The following PTPN11 variants were observed in gnomAD, a reference collection of about 807,000 sequenced individuals.
The protein encoded by PTPN11 is tyrosine-protein phosphatase non-receptor type 11.
A neutral mutation model predicts 78.8 loss-of-function variants in PTPN11; 6 were observed. That is an observed-to-expected ratio of 0.08 (90% CI 0.04 to 0.15). The LOEUF (loss-of-function observed/expected upper bound fraction) is 0.15, where lower values mean the gene tolerates loss of function less well. Ranked by LOEUF, PTPN11 falls within the 10% of genes least tolerant of loss-of-function variation. The probability of loss-of-function intolerance (pLI) is 1.00; values close to 1 mark genes in which losing one functional copy is unlikely to be tolerated. For synonymous variants in PTPN11, 221 were observed against 263.5 expected (o/e 0.84, Z 1.56); for missense variants, 386 against 744.8 (o/e 0.52, Z 5.61).
intron 1 of PTPN11, among the ~76,000 whole-genome samples, chr12:112,424,956 TTGTGTGTGTGTGTGTGTGTGTGTGTG>T (rs34463047): frequency 3.6e-4 from 32 of 89,056 alleles, no homozygotes; most frequent in African/African-American, 1.2e-3. Context: ...GTCAGGCTAA[TTGTGTGTGTGTGTGTGTGTGTGTGTG>T]TGTGTGTGTG....
At chr12:112,447,873 C>T (rs1407618645) in intron 2 of PTPN11, among the ~76,000 whole-genome samples, 1 of 148,312 alleles carries the variant, frequency 6.7e-6, no homozygotes, top group East Asian at 2.0e-4. Context: ...ACAATCTTGG[C>T]TCACTGCAAC....
At chr12:112,445,476 A>G (rs1191028039) in intron 1 of PTPN11, among the ~76,000 whole-genome samples, 4 of 152,030 alleles carry the variant, frequency 2.6e-5, no homozygotes, top group Non-Finnish European at 4.4e-5. Flanking sequence ...CTGTCTTTAC[A>G]TGTATATATT....
intron 1 of PTPN11, among the ~76,000 whole-genome samples, chr12:112,427,328 G>A (rs960631643): frequency 1.3e-5 from 2 of 151,716 alleles, no homozygotes; most frequent in African/African-American, 4.8e-5. Flanking sequence ...GGGTGGATCA[G>A]GAGGTCAGGA....
At chr12:112,500,657 T>G (rs61942266) in intron 13 of PTPN11, among the ~76,000 whole-genome samples, 11,974 of 152,268 alleles carry the variant, frequency 0.079, 526 homozygotes, top group Middle Eastern at 0.17. Context: ...AGTGGCCTGA[T>G]CTTGGCTCAC....
chr12:112,459,833 T>C (rs2038221751), intron 6 of PTPN11, among the ~76,000 whole-genome samples: 1 of 151,982 alleles, frequency 6.6e-6, no homozygotes, highest in African/African-American at 2.4e-5. Context: ...ATAACCTGAA[T>C]AGCATTATCA....
rs1253971623 is a variant in PTPN11 at position 112,502,220 on chromosome 12, C to G, written c.1676C>G (p.Pro559Arg). ...GACCAGACGAGTGGAGATCAGAGCCCTCTCCCGCCTTGTACTCCAACGCCA... is the reference window on the plus strand; with the variant it reads ...GACCAGACGAGTGGAGATCAGAGCCGTCTCCCGCCTTGTACTCCAACGCCA... ...LADQTSGDQS[P>R]LPPCTPTPPC... The change falls in exon 14 of 16, where the codon CCT becomes CGT. Residue 559 changes from proline to arginine, a missense_variant. Physicochemically the swap from Pro to Arg is moderately radical, Grantham distance 103 (BLOSUM62 -2). Around this residue, in one of 3 missense-constraint regions of PTPN11, gnomAD observed 44 missense variants for 59.3 expected, o/e 0.74. Coordinates refer to ENST00000351677, the MANE Select transcript of PTPN11 (RefSeq NM_002834.5). The G allele has an allele frequency of 6.2e-7, 1 of 1,613,710 alleles. No individual in the cohort carries two copies. Among genetic ancestry groups the G allele is most frequent in the East Asian group, 2.2e-5 (1 of 44,898 alleles).
intron 6 of PTPN11, among the ~76,000 whole-genome samples, chr12:112,467,279 T>C (rs993862075): frequency 2.6e-5 from 4 of 152,136 alleles, no homozygotes; most frequent in Non-Finnish European, 5.9e-5. Context: ...GTTAGGCTGT[T>C]TTGCACTGCT....
At chr12:112,438,486 A>ATT (rs980146025) in intron 1 of PTPN11, among the ~76,000 whole-genome samples, 1 of 143,210 alleles carries the variant, frequency 7.0e-6, no homozygotes, top group African/African-American at 2.6e-5. Context: ...ACCATACCTA[A>ATT]TTTTTTTTTT....
At chr12:112,502,050 C>A in intron 13 of PTPN11, 94 bp from the exon 14 acceptor site, 1 of 979,078 alleles carries the variant, frequency 1.0e-6, no homozygotes, top group Non-Finnish European at 1.6e-6. Flanking sequence ...TTCTTTCTCC[C>A]TCTTTTTTCT....
chr12:112,429,260 C>G (rs2037673253), intron 1 of PTPN11, among the ~76,000 whole-genome samples: 1 of 152,122 alleles, frequency 6.6e-6, no homozygotes, highest in African/African-American at 2.4e-5. Flanking sequence ...CTTACTGTCT[C>G]CAGCCTCTGT....
At chr12:112,466,487 A>G (rs954240591) in intron 6 of PTPN11, among the ~76,000 whole-genome samples, 3 of 152,190 alleles carry the variant, frequency 2.0e-5, no homozygotes, top group Non-Finnish European at 4.4e-5. Context: ...ATTTGAGATC[A>G]GCCTGGGCAA....
At chr12:112,442,998 TAAG>T (rs2037933203) in intron 1 of PTPN11, among the ~76,000 whole-genome samples, 1 of 150,160 alleles carries the variant, frequency 6.7e-6, no homozygotes, top group South Asian at 2.1e-4. Flanking sequence ...TCTCTATATT[TAAG>T]TTTTGTTGGA....
intron 1 of PTPN11, among the ~76,000 whole-genome samples, chr12:112,441,315 G>A (rs916079309): frequency 2.6e-5 from 4 of 151,308 alleles, no homozygotes; most frequent in African/African-American, 9.7e-5. Flanking sequence ...AGGCTGGAGT[G>A]CAGTGGTGCG....
chr12:112,450,658 A>G, intron 3 of PTPN11, 146 bp downstream of exon 3: 1 of 821,660 alleles, frequency 1.2e-6, no homozygotes, highest in South Asian at 1.5e-5. Context: ...TACTAAAGTG[A>G]GACTAATAGC....
rs1566181003 is a variant in PTPN11 at position 112,477,664 on chromosome 12, G to C, written c.867G>C (p.Arg289Ser). ...YKNILPFDHT[R>S]VVLHDGDPNE... Reference sequence around the variant, plus strand: ...TTTTTCTTCTAGTTGATCATACCAGGGTTGTCCTACACGATGGTGATCCCA... The same window carrying C: ...TTTTTCTTCTAGTTGATCATACCAGCGTTGTCCTACACGATGGTGATCCCA... The change falls in exon 8 of 16, where the codon AGG becomes AGC. Residue 289 changes from arginine (R) to serine (S), a missense_variant. Physicochemically the swap from Arg to Ser is moderately radical, Grantham distance 110. Around this residue, in one of 3 missense-constraint regions of PTPN11, gnomAD observed 279 missense variants for 503.3 expected, o/e 0.55. Transcript: ENST00000351677. The C allele has an allele frequency of 6.2e-7, 1 of 1,611,390 alleles. No homozygotes were observed. The highest frequency in any genetic ancestry group is 1.3e-5 in the African/African-American group (1 of 74,798).
chr12:112,420,453 C>T (rs1053125897), intron 1 of PTPN11, among the ~76,000 whole-genome samples: 2 of 152,006 alleles, frequency 1.3e-5, no homozygotes, highest in Admixed American at 1.3e-4. Context: ...TCAAGCGATT[C>T]TCCTGCCTCA....
intron 1 of PTPN11, among the ~76,000 whole-genome samples, chr12:112,439,389 G>A (rs1403381894): frequency 1.3e-5 from 2 of 152,112 alleles, no homozygotes; most frequent in African/African-American, 4.8e-5. Context: ...TGCCTCTGGG[G>A]TTCAAGTGAT....
chr12:112,485,573 G>C (rs910014933), intron 10 of PTPN11, among the ~76,000 whole-genome samples: 1 of 152,182 alleles, frequency 6.6e-6, no homozygotes, highest in African/African-American at 2.4e-5. Context: ...GAGGTTTAGA[G>C]ATACCCAAGG....
In PTPN11 at chr12:112,460,581, C is replaced by G. The variant is rs191434878; in HGVS notation, c.756+4518C>G. ...TCTTAAGTCTGGGCGTGGTGGCACA[C>G]GGCTGTCATTCCAGCACTTTGGGAG... On this transcript the variant is annotated intron_variant, in intron 6 of 15. Coordinates refer to ENST00000351677, the MANE Select transcript of PTPN11 (RefSeq NM_002834.5). 5.9e-5 allele frequency among the ~76,000 whole-genome samples: 9 copies of G among 152,126 alleles called. 1 individual carries two copies. Among genetic ancestry groups the G allele is most frequent in the Non-Finnish European group, 1.3e-4 (9 of 67,992 alleles).
Sources: allele counts gnomAD v4.1 joint callset (sites outside exome capture counted in the v4.1 genomes callset), GRCh38; gene constraint gnomAD v4.1.1; regional missense constraint gnomAD v4.1.1; transcripts MANE v1.5; gene names NCBI Gene and HGNC (gene_info 2026-07-23, HGNC 2026-07-21).